Variants in SLC33A2 observed in about 807,000 individuals in gnomAD.
SLC33A2 encodes solute carrier family 33 member 2, also known as major facilitator superfamily domain containing 3.
chr8:144,510,438 A>G, the SLC33A2 span: 5 of 1,612,798 alleles, frequency 3.1e-6, no homozygotes, highest in Non-Finnish European at 4.2e-6. Context: ...GGACTGTGGA[A>G]TGGTGTGGGT....
At chr8:144,509,598 C>G in the SLC33A2 span, 19 of 1,544,422 alleles carry the variant, frequency 1.2e-5, no homozygotes, top group African/African-American at 1.1e-4. Flanking sequence ...CGGGCTGCCC[C>G]CTCCTGGAGC....
the SLC33A2 span, chr8:144,510,101 A>G: frequency 2.1e-6 from 3 of 1,449,986 alleles, no homozygotes; most frequent in South Asian, 2.6e-5. Context: ...AACCCATTAC[A>G]GGGCCACGCT....
chr8:144,510,033 C>T, the SLC33A2 span: 2 of 1,585,718 alleles, frequency 1.3e-6, no homozygotes, highest in Non-Finnish European at 1.7e-6. Context: ...AGGCCTCGAG[C>T]CAGGCAACAG....
the SLC33A2 span, chr8:144,509,690 G>C: frequency 6.4e-7 from 1 of 1,562,088 alleles, no homozygotes; most frequent in Non-Finnish European, 8.6e-7. Context: ...ATGTGGCCCT[G>C]GACGCGCTGG....
the SLC33A2 span, chr8:144,510,023 A>C: frequency 6.3e-7 from 1 of 1,590,432 alleles, no homozygotes; most frequent in South Asian, 1.1e-5. Context: ...TGGGTGAGTG[A>C]GGCCTCGAGC....
chr8:144,509,363 C>A, the SLC33A2 span: 1 of 1,491,870 alleles, frequency 6.7e-7, no homozygotes, highest in Non-Finnish European at 8.9e-7. Context: ...CGCTGGCCGG[C>A]CTCTACCTGG....
chr8:144,510,553 T>C, the SLC33A2 span: 5 of 1,611,002 alleles, frequency 3.1e-6, no homozygotes, highest in African/African-American at 2.7e-5. Context: ...GTACCTGAGC[T>C]GCCCCCAATC....
the SLC33A2 span, chr8:144,510,175 G>C: frequency 1.1e-4 from 141 of 1,273,398 alleles, 1 homozygote; most frequent in Middle Eastern, 3.6e-3. Flanking sequence ...TGGGCCTTGT[G>C]TCTTGTCCGC....
At chr8:144,510,355 C>T in the SLC33A2 span, 1 of 1,611,768 alleles carries the variant, frequency 6.2e-7, no homozygotes, top group Non-Finnish European at 8.5e-7. Context: ...CCCCCACCAC[C>T]CAAGGTGAGC....
chr8:144,509,731 G>A, the SLC33A2 span: 4 of 1,568,998 alleles, frequency 2.5e-6, no homozygotes, highest in Non-Finnish European at 3.4e-6. Context: ...GCCGAACTGG[G>A]GCCGGGCAAT....
chr8:144,509,493 C>T, the SLC33A2 span: 8 of 1,534,418 alleles, frequency 5.2e-6, no homozygotes, highest in South Asian at 1.2e-5. Flanking sequence ...GCTGCTCAAG[C>T]TGGCTTGGGC....
chr8:144,509,767 T>A, the SLC33A2 span: 1 of 1,560,262 alleles, frequency 6.4e-7, no homozygotes, highest in Non-Finnish European at 8.6e-7. Flanking sequence ...GCGTACAAGC[T>A]GGGGGCCGCG....
the SLC33A2 span, chr8:144,509,467 T>C: frequency 1.1e-5 from 17 of 1,536,206 alleles, no homozygotes; most frequent in Middle Eastern, 1.8e-4. Flanking sequence ...CTGGCCAAGG[T>C]TCTGTACGCT....
chr8:144,509,934 C>G, the SLC33A2 span: 8 of 1,586,814 alleles, frequency 5.0e-6, no homozygotes, highest in Admixed American at 3.4e-5. Flanking sequence ...GCAGCGTCCC[C>G]ACACCGCGCA....
chr8:144,510,104 G>T, the SLC33A2 span: 5 of 1,442,788 alleles, frequency 3.5e-6, no homozygotes, highest in African/African-American at 1.4e-5. Flanking sequence ...CCATTACAGG[G>T]CCACGCTCTT....
chr8:144,509,900 G>A, the SLC33A2 span: 1 of 1,551,914 alleles, frequency 6.4e-7, no homozygotes, highest in Non-Finnish European at 8.6e-7. Flanking sequence ...CCCTGCGGCG[G>A]CTCCCACAGC....
the SLC33A2 span, chr8:144,510,022 G>C: frequency 1.3e-6 from 2 of 1,590,300 alleles, no homozygotes; most frequent in African/African-American, 1.3e-5. Context: ...CTGGGTGAGT[G>C]AGGCCTCGAG....
At chr8:144,510,248 G>A in the SLC33A2 span, 129 of 1,501,410 alleles carry the variant, frequency 8.6e-5, no homozygotes, top group African/African-American at 1.7e-3. Context: ...CCCAGTATCT[G>A]CAGCTCTGGA....
the SLC33A2 span, chr8:144,510,467 G>A: frequency 1.9e-5 from 31 of 1,612,616 alleles, no homozygotes; most frequent in Non-Finnish European, 2.4e-5. Context: ...CTGCTCCATC[G>A]CTGGCTCCTC....
Sources: allele counts gnomAD v4.1 joint callset, GRCh38; gene constraint gnomAD v4.1.1; transcripts MANE v1.5; gene names NCBI Gene and HGNC (gene_info 2026-07-23, HGNC 2026-07-21).